EPSTI1: variants seen among roughly 807,000 people sequenced by gnomAD.
EPSTI1 encodes the protein epithelial-stromal interaction protein 1.
A neutral mutation model predicts 49.9 loss-of-function variants in EPSTI1; 66 were observed. The observed-to-expected ratio is 1.32, with a 90% CI of 1.08 to 1.62. EPSTI1 has a LOEUF of 1.62. EPSTI1 is among the 40% of genes most tolerant of loss of function. The probability of loss-of-function intolerance (pLI) is 0.00; values close to 1 mark genes in which losing one functional copy is unlikely to be tolerated. For missense variants in EPSTI1, 394 were observed against 365.5 expected (o/e 1.08, Z -0.64); for synonymous variants, 137 against 130.7 (o/e 1.05, Z -0.33).
chr13:42,986,599 GCCAGGCATGGTGGCACATGCCTGTAA>G (rs1280273841), intron 1 of EPSTI1, among the ~76,000 whole-genome samples: 1 of 152,012 alleles, frequency 6.6e-6, no homozygotes, highest in Non-Finnish European at 1.5e-5. Context: ...AAAAAAATTA[GCCAGGCATGGTGGCACATGCCTGTAA>G]TCCCAGCTAC....
intron 8 of EPSTI1, among the ~76,000 whole-genome samples, chr13:42,913,776 T>C (rs2037752317): frequency 6.6e-6 from 1 of 152,234 alleles, no homozygotes. Context: ...GCAGCATTAG[T>C]ATTATGGTTT....
At chr13:42,934,489 G>T (rs2038490567) in intron 6 of EPSTI1, 1 of 152,446 alleles carries the variant, frequency 6.6e-6, no homozygotes, top group Non-Finnish European at 1.5e-5. Context: ...CTGCGTTTCT[G>T]GTCGATTTGG....
intron 6 of EPSTI1, among the ~76,000 whole-genome samples, chr13:42,946,990 G>A (rs753540885): frequency 5.3e-5 from 8 of 152,108 alleles, no homozygotes; most frequent in Non-Finnish European, 1.0e-4. Context: ...GTGCCAAAAA[G>A]GTTGGGGACC....
chr13:42,963,488 TCA>T (rs2039518913), intron 4 of EPSTI1, 150 bp from the exon 5 acceptor site: 1 of 619,770 alleles, frequency 1.6e-6, no homozygotes, highest in African/African-American at 1.9e-5. Flanking sequence ...GCTACTTAGA[TCA>T]CAGAGAATGG....
intron 1 of EPSTI1, 26 bp downstream of exon 1, chr13:42,991,952 C>G (rs1443329095): frequency 2.5e-6 from 4 of 1,611,986 alleles, no homozygotes; most frequent in East Asian, 4.5e-5. Context: ...GCTCCCGCCC[C>G]GAAGCCAGGT....
intron 1 of EPSTI1, among the ~76,000 whole-genome samples, chr13:42,978,303 A>G (rs2039921000): frequency 6.6e-6 from 1 of 152,368 alleles, no homozygotes; most frequent in South Asian, 2.1e-4. Context: ...CAACATATGT[A>G]AGATGAACAT....
At position 42,969,110 on chromosome 13, in the gene EPSTI1, C is replaced by T. The variant is rs2039700910; in HGVS notation, c.315G>A (p.Leu105=). The stretch of plus-strand genomic sequence containing the variant: ...CTTGCTTACCTAGCCGTCTGGGCAC[C>T]AGGTGAACCGGTTTAGCTCTGTTCT... The part of the protein sequence containing the change: ...KEQNRAKPVH[L]VPRRLGGSQS... The change falls in exon 3 of 11, where the codon CTG becomes CTA. Residue 105 remains leucine (L), a synonymous_variant. Coordinates refer to ENST00000313624, the MANE Select transcript of EPSTI1 (RefSeq NM_033255.5). 1 of 1,614,056 alleles carries T rather than the reference C, an allele frequency of 6.2e-7. No homozygotes were observed. The highest frequency in any genetic ancestry group is 1.7e-5 in the Admixed American group (1 of 60,006).
At chr13:42,914,701 T>C (rs1013103648) in intron 8 of EPSTI1, among the ~76,000 whole-genome samples, 1 of 152,190 alleles carries the variant, frequency 6.6e-6, no homozygotes, top group Admixed American at 6.5e-5. Context: ...TCTCTGAGGA[T>C]AGCAAAATCA....
chr13:42,901,560 G>C (rs1833453936), intron 8 of EPSTI1, among the ~76,000 whole-genome samples: 1 of 152,030 alleles, frequency 6.6e-6, no homozygotes, highest in Non-Finnish European at 1.5e-5. Flanking sequence ...TTGCTGCCAA[G>C]CTTTATGCTC....
Position 42,888,224 on chromosome 13 carries a change from C to A in EPSTI1, c.*270G>T. Reference sequence around the variant, plus strand: ...GTGACTCCCTCTTTTTCTACCCTACCAACATCACTCTAATTATACTTCCAA... The same window carrying A: ...GTGACTCCCTCTTTTTCTACCCTACAAACATCACTCTAATTATACTTCCAA... On this transcript the variant is annotated 3_prime_UTR_variant, in exon 11 of 11. Transcript: ENST00000313624. The A allele has an allele frequency of 6.2e-7, 1 of 1,610,536 alleles. No homozygotes were observed. The highest frequency in any genetic ancestry group is 1.1e-5 in the South Asian group (1 of 90,664).
At chr13:42,919,478 C>G (rs753492660) in intron 7 of EPSTI1, 1 of 737,650 alleles carries the variant, frequency 1.4e-6, no homozygotes, top group Non-Finnish European at 2.2e-6. Flanking sequence ...TTTTATCATT[C>G]AACCAAAATA....
chr13:42,907,913 A>G (rs2037543965), intron 8 of EPSTI1, among the ~76,000 whole-genome samples: 1 of 152,206 alleles, frequency 6.6e-6, no homozygotes, highest in South Asian at 2.1e-4. Flanking sequence ...AAACCAATGG[A>G]ACAGAATAGA....
chr13:42,953,383 T>TA (rs770213042), intron 6 of EPSTI1, among the ~76,000 whole-genome samples: 10 of 152,224 alleles, frequency 6.6e-5, no homozygotes, highest in Non-Finnish European at 1.3e-4. Context: ...AGCTTATCCT[T>TA]AAAGCCTACA....
At chr13:42,916,272 TA>T (rs11284293) in intron 8 of EPSTI1, among the ~76,000 whole-genome samples, 74,183 of 146,144 alleles carry the variant, frequency 0.51, 19,127 homozygotes, top group East Asian at 0.76. Flanking sequence ...GATATTTATT[TA>T]AAAAAAAAAA....
chr13:42,890,438 C>T (rs1432404656), intron 10 of EPSTI1, among the ~76,000 whole-genome samples: 1 of 151,936 alleles, frequency 6.6e-6, no homozygotes, highest in Non-Finnish European at 1.5e-5. Flanking sequence ...GCTGGGACTA[C>T]AGGAGCCCGC....
intron 9 of EPSTI1, among the ~76,000 whole-genome samples, chr13:42,898,589 T>G (rs1441403366): frequency 6.6e-6 from 1 of 151,974 alleles, no homozygotes; most frequent in African/African-American, 2.4e-5. Flanking sequence ...AAAGAAAAAA[T>G]AACGTATAGA....
intron 7 of EPSTI1, among the ~76,000 whole-genome samples, chr13:42,924,196 G>A (rs887618976): frequency 2.6e-5 from 4 of 152,210 alleles, no homozygotes; most frequent in Non-Finnish European, 4.4e-5. Flanking sequence ...TGGGTAAAAA[G>A]TCAATTAAAT....
At chr13:42,959,383 G>C (rs1398664292) in intron 5 of EPSTI1, among the ~76,000 whole-genome samples, 1 of 152,216 alleles carries the variant, frequency 6.6e-6, no homozygotes, top group Non-Finnish European at 1.5e-5. Context: ...GATGTTCCCT[G>C]AAAGTTTTCA....
At chr13:42,902,281 T>C (rs1423241569) in intron 8 of EPSTI1, among the ~76,000 whole-genome samples, 1 of 152,060 alleles carries the variant, frequency 6.6e-6, no homozygotes, top group Non-Finnish European at 1.5e-5. Context: ...CTAGAAATCC[T>C]GTAGCTCCTC....
Sources: allele counts gnomAD v4.1 joint callset (sites outside exome capture counted in the v4.1 genomes callset), GRCh38; gene constraint gnomAD v4.1.1; transcripts MANE v1.5; gene names NCBI Gene and HGNC (gene_info 2026-07-23, HGNC 2026-07-21).